The following NECTIN4 variants were observed in gnomAD, a reference collection of about 807,000 sequenced individuals.
NECTIN4 encodes the protein nectin cell adhesion molecule 4.
A neutral mutation model predicts 51.7 loss-of-function variants in NECTIN4; 19 were observed. That is an observed-to-expected ratio of 0.37 (90% CI 0.26 to 0.54). The LOEUF is 0.54. NECTIN4 is among the 20% of genes least tolerant of loss of function. NECTIN4 has a pLI of 0.86. For missense variants in NECTIN4, 619 were observed against 662.4 expected, an observed-to-expected ratio of 0.93 and a Z score of 0.72; for synonymous variants, 283 against 286.9, an observed-to-expected ratio of 0.99 and a Z score of 0.14.
chr1:161,088,797 T>C (rs575796328), intron 1 of NECTIN4, among the ~76,000 whole-genome samples: 21 of 152,278 alleles, frequency 1.4e-4, no homozygotes, highest in African/African-American at 5.1e-4. Flanking sequence ...AGCTGAGCTC[T>C]GAGTCAGCCC....
chr1:161,088,441 TG>T (rs1197535179), intron 1 of NECTIN4, among the ~76,000 whole-genome samples: 1 of 152,156 alleles, frequency 6.6e-6, no homozygotes, highest in Non-Finnish European at 1.5e-5. Flanking sequence ...AATTCATATT[TG>T]CTCTATATGC....
chr1:161,072,593 C>T lies in NECTIN4; in HGVS notation c.*68G>A. ...GAAATGGGGGTGTTTAAGGAGGCCC[C>T]CAAGATGAGCTAAAATCTCCCATGT... is the stretch of plus-strand genomic sequence containing the variant. On this transcript the variant is annotated 3_prime_UTR_variant, in exon 9 of 9. Coordinates refer to ENST00000368012, the MANE Select transcript of NECTIN4 (RefSeq NM_030916.3). 1.4e-6 allele frequency: 2 copies of T among 1,379,988 alleles called. No individual in the cohort carries two copies. The highest frequency in any genetic ancestry group is 2.1e-6 in the Non-Finnish European group (2 of 966,470). The allele number at this position is 1,379,988 out of a possible 1,614,324, so 85.5% of individuals were successfully genotyped here. A position where few individuals can be genotyped will look rare whatever the true frequency, so the allele number is the denominator to read the frequency against.
At chr1:161,084,866 TA>T (rs1230172279) in intron 1 of NECTIN4, 1 of 151,336 alleles carries the variant, frequency 6.6e-6, no homozygotes, top group Non-Finnish European at 1.5e-5. Flanking sequence ...TGCCTGGGGC[TA>T]GGGGGAGGGG....
At chr1:161,076,505 G>A (rs1253311957) in intron 3 of NECTIN4, 30 bp from the exon 4 acceptor site, 1 of 1,613,080 alleles carries the variant, frequency 6.2e-7, no homozygotes, top group Non-Finnish European at 8.5e-7. Flanking sequence ...GAGAAAGAAT[G>A]GGAATGATGC....
intron 1 of NECTIN4, among the ~76,000 whole-genome samples, chr1:161,085,597 G>A (rs913344770): frequency 2.6e-5 from 4 of 152,096 alleles, no homozygotes; most frequent in African/African-American, 9.7e-5. Flanking sequence ...TGAGGCCAGA[G>A]GCTGCCTGTT....
rs911245271 is a variant in NECTIN4, at chr1:161,082,331, G to A, written c.80-2382C>T. Among the ~76,000 whole-genome samples the A allele has an allele frequency of 5.3e-5, 8 of 151,704 alleles. No homozygotes were observed. In the East Asian group the frequency reaches 9.7e-4, roughly 18 times the overall value. ...CAACAAAGCAAGACACCATCCCCCC[G>A]CCACCAAAAAAAATGAGGAGGAACA... On this transcript the variant is annotated intron_variant, in intron 1 of 8. Coordinates refer to ENST00000368012, the MANE Select transcript of NECTIN4 (RefSeq NM_030916.3).
Position 161,079,819 on chromosome 1 carries a change from C to T in NECTIN4, c.210G>A (p.Val70=), listed in dbSNP as rs763405932. ...GTTCCTGGGCGCCTTCGCCCGCGTC[C>T]ACCCGAGCCCATGCCACTTGCCCCA... The part of the protein sequence containing the change: ...EQVGQVAWAR[V]DAGEGAQELA... Residue 70 remains valine, a synonymous_variant, in exon 2 of 9, where the codon GTG becomes GTA. Transcript: ENST00000368012. 3 of 1,613,710 alleles carry T rather than the reference C, an allele frequency of 1.9e-6. No individual in the cohort carries two copies. In the South Asian group the frequency reaches 3.3e-5, roughly 18 times the overall value.
chr1:161,073,848 G>GTGAGCCTATCCTGGC lies in NECTIN4; in HGVS notation c.1158-68_1158-54dup, dbSNP rs1469219375. The GTGAGCCTATCCTGGC allele has an allele frequency of 3.3e-6, 5 of 1,534,748 alleles. No individual in the cohort carries two copies. The East Asian group carries it at 1.1e-4, about 35-fold the overall frequency. On this transcript the variant is annotated intron_variant, in intron 6 of 8. Transcript: ENST00000368012. The stretch of plus-strand genomic sequence containing the variant: ...CTGAGGGTAGTGGCAGCCTCCCAAG[G>GTGAGCCTATCCTGGC]TGAGCCTATCCTGGCTGAGCCTAGT...
At chr1:161,077,878 T>A in intron 2 of NECTIN4, 135 bp from the exon 3 acceptor site, 2 of 796,200 alleles carry the variant, frequency 2.5e-6, no homozygotes, top group Non-Finnish European at 3.9e-6. Flanking sequence ...GAGACGCAGA[T>A]GAATGGTAGA....
chr1:161,073,252 G>A lies in NECTIN4; in HGVS notation c.1281C>T (p.Leu427=). 6.2e-7 allele frequency: 1 copy of A among 1,614,106 alleles called. No individual in the cohort carries two copies. Among genetic ancestry groups the A allele is most frequent in the Non-Finnish European group, 8.5e-7 (1 of 1,179,974 alleles). The change falls in exon 8 of 9, where the codon CTC becomes CTT. Residue 427 remains leucine (L), a synonymous_variant. Coordinates refer to ENST00000368012, the MANE Select transcript of NECTIN4 (RefSeq NM_030916.3). The part of the protein sequence containing the change: ...GLRAEGHPDS[L]KDNSSCSVMS... ...TCACAGAGCAGCTACTGTTGTCCTT[G>A]AGACTATCAGGGTGGCCCTCGGCTC...
chr1:161,076,363 G>C lies in NECTIN4; in HGVS notation c.843C>G (p.Asn281Lys), dbSNP rs1653414558. The C allele has an allele frequency of 6.2e-7, 1 of 1,614,058 alleles. No individual in the cohort carries two copies. Among genetic ancestry groups the C allele is most frequent in the African/African-American group, 1.3e-5 (1 of 74,934 alleles). The change falls in exon 4 of 9, where the codon AAC becomes AAG. Residue 281 changes from asparagine to lysine, a missense_variant. Around this residue, in one of 3 missense-constraint regions of NECTIN4, gnomAD observed 364 missense variants for 415.7 expected, o/e 0.88. Coordinates refer to ENST00000368012, the MANE Select transcript of NECTIN4 (RefSeq NM_030916.3). Reference sequence around the variant, plus strand: ...CAGGCTCGGGCCCTTACCGTGTCCAGTTGTATGAGGGAGGGGGCTGCCCTT... The same window carrying C: ...CAGGCTCGGGCCCTTACCGTGTCCACTTGTATGAGGGAGGGGGCTGCCCTT... ...LSEGQPPPSYNWTRLDGPLPS... is the reference protein window; with the variant it reads ...LSEGQPPPSYKWTRLDGPLPS...
In NECTIN4 at chr1:161,079,939, G is replaced by T; in HGVS notation, c.90C>A (p.Pro30=). 1 of 1,603,066 alleles carries T rather than the reference G, an allele frequency of 6.2e-7. No homozygotes were observed. Among genetic ancestry groups the T allele is most frequent in the Non-Finnish European group, 8.5e-7 (1 of 1,172,250 alleles). ...CGTCTGAGGTCTCCAGCTCACCCGC[G>T]GGGCACCGGCCTGCAGGGGGCAGAG... ...LLLASFTGRC[P]AGELETSDVV... is the part of the protein sequence containing the mutation. The change falls in exon 2 of 9, where the codon CCC becomes CCA. Residue 30 remains proline, a synonymous_variant. Coordinates refer to ENST00000368012, the MANE Select transcript of NECTIN4 (RefSeq NM_030916.3).
Position 161,077,473 on chromosome 1 carries a change from G to A in NECTIN4, c.710C>T (p.Thr237Ile). ...CTTACAGGACACGTGGAGGATGTGG[G>A]TGATCCTTTGGTCCTGGAGCAGGCC... ...HPGLLQDQRI[T>I]HILHVSFLAE... Residue 237 changes from threonine (T) to isoleucine (I), a missense_variant, in exon 3 of 9, where the codon ACC becomes ATC. Thr to Ile is a moderately conservative substitution (Grantham distance 89). Around this residue, in one of 3 missense-constraint regions of NECTIN4, gnomAD observed 364 missense variants for 415.7 expected, o/e 0.88. Transcript: ENST00000368012. 1 of 1,614,140 alleles carries A rather than the reference G, an allele frequency of 6.2e-7. No homozygotes were observed. Among genetic ancestry groups the A allele is most frequent in the Non-Finnish European group, 8.5e-7 (1 of 1,180,024 alleles).
intron 1 of NECTIN4, among the ~76,000 whole-genome samples, chr1:161,088,294 T>C (rs776988966): frequency 1.3e-5 from 2 of 152,106 alleles, no homozygotes; most frequent in Non-Finnish European, 2.9e-5. Context: ...CCTGTCCAGA[T>C]CAGGCCCTAT....
intron 1 of NECTIN4, among the ~76,000 whole-genome samples, chr1:161,085,591 G>C (rs1653909004): frequency 6.6e-6 from 1 of 152,044 alleles, no homozygotes; most frequent in Admixed American, 6.6e-5. Context: ...ATCTCCTGAG[G>C]CCAGAGGCTG....
At chr1:161,073,659 G>T in intron 7 of NECTIN4, 61 bp downstream of exon 7, 1 of 1,381,498 alleles carries the variant, frequency 7.2e-7, no homozygotes, top group Non-Finnish European at 1.0e-6. Flanking sequence ...AGGGGCCCAG[G>T]CACAAGCAGA....
chr1:161,074,440 T>TC (rs1653320894), intron 5 of NECTIN4, 67 bp from the exon 6 acceptor site: 1 of 1,609,240 alleles, frequency 6.2e-7, no homozygotes, highest in East Asian at 2.2e-5. Flanking sequence ...ACCTCACAGC[T>TC]CCCCCGCAAA....
At position 161,072,631 on chromosome 1, in the gene NECTIN4, CCAGGCCTAGGGAAGGGAGG is replaced by C; in HGVS notation, c.*11_*29del. ...AAATCTCCCATGTCAACAGAAGGAG[CCAGGCCTAGGGAAGGGAGG>C]CAGGCCTGGGTCAGACCAGGTGTCC... On this transcript the variant is annotated 3_prime_UTR_variant, in exon 9 of 9. Coordinates refer to ENST00000368012, the MANE Select transcript of NECTIN4 (RefSeq NM_030916.3). 1 of 1,584,752 alleles carries C rather than the reference CCAGGCCTAGGGAAGGGAGG, an allele frequency of 6.3e-7. No individual in the cohort carries two copies. The highest frequency in any genetic ancestry group is 8.7e-7 in the Non-Finnish European group (1 of 1,153,154).
chr1:161,089,440 C>T lies in NECTIN4; in HGVS notation c.-144G>A. On this transcript the variant is annotated 5_prime_UTR_variant, in exon 1 of 9. Coordinates refer to ENST00000368012, the MANE Select transcript of NECTIN4 (RefSeq NM_030916.3). The surrounding 1 kb of genome is among the most constrained non-coding windows in gnomAD (Gnocchi z 4.1). ...TCGCACTTGGGTCTCCACTAGGGGA[C>T]CCAGCCCCAGCCCCGGCCCCGTTCT... The T allele has an allele frequency of 2.8e-6, 2 of 717,530 alleles. No homozygotes were observed. The highest frequency in any genetic ancestry group is 4.9e-6 in the Non-Finnish European group (2 of 407,454). The allele number at this position is 717,530 out of a possible 1,614,324, so 44.4% of individuals were successfully genotyped here. A position where few individuals can be genotyped will look rare whatever the true frequency, so the allele number is the denominator to read the frequency against.
Sources: allele counts gnomAD v4.1 joint callset (sites outside exome capture counted in the v4.1 genomes callset), GRCh38; gene constraint gnomAD v4.1.1; regional missense constraint gnomAD v4.1.1; non-coding constraint Gnocchi (gnomAD v3.1); transcripts MANE v1.5; gene names NCBI Gene and HGNC (gene_info 2026-07-23, HGNC 2026-07-21).